Variants in CADM2 observed in about 807,000 individuals in gnomAD.
CADM2 encodes the protein cell adhesion molecule 2, also known as immunoglobulin superfamily member 4D.
A neutral mutation model predicts 49.8 loss-of-function variants in CADM2; 12 were observed. That is an observed-to-expected ratio of 0.24 (90% CI 0.15 to 0.39). CADM2 has a LOEUF of 0.39. Among genes scored for constraint, CADM2 ranks in the 10% least tolerant of loss-of-function variants. The pLI is 1.00. For synonymous variants in CADM2, 214 were observed against 175.4 expected (o/e 1.22, Z -1.74); for missense variants, 378 against 492.3 (o/e 0.77, Z 2.20).
chr3:85,522,304 CTTA>C (rs1454178952), intron 1 of CADM2, among the ~76,000 whole-genome samples: 4 of 151,978 alleles, frequency 2.6e-5, no homozygotes, highest in Admixed American at 2.0e-4. Flanking sequence ...TATTTCAAAA[CTTA>C]TTTTTTCCTT....
At chr3:85,334,663 A>G (rs2045028157) in intron 1 of CADM2, among the ~76,000 whole-genome samples, 1 of 151,624 alleles carries the variant, frequency 6.6e-6, no homozygotes, top group South Asian at 2.1e-4. Flanking sequence ...GAAGATTACA[A>G]AAACCTTTTC....
chr3:85,806,190 GGAAGGAAGGAAGGAAA>G (rs944828716), intron 3 of CADM2, among the ~76,000 whole-genome samples: 1 of 149,216 alleles, frequency 6.7e-6, no homozygotes, highest in African/African-American at 2.5e-5. Flanking sequence ...GAGGGAGGGA[GGAAGGAAGGAAGGAAA>G]GAAGGAAGGA....
chr3:85,404,432 GA>G (rs963162869), intron 1 of CADM2, among the ~76,000 whole-genome samples: 3 of 151,488 alleles, frequency 2.0e-5, no homozygotes, highest in Admixed American at 1.3e-4. Context: ...TGAGACTCCA[GA>G]AAAAAAAGTC....
chr3:85,781,005 C>T (rs748522640), intron 2 of CADM2, among the ~76,000 whole-genome samples: 8 of 152,226 alleles, frequency 5.3e-5, no homozygotes, highest in Non-Finnish European at 7.4e-5. Flanking sequence ...CCCCAGCTGA[C>T]GGCCAGCCTA....
intron 1 of CADM2, among the ~76,000 whole-genome samples, chr3:85,148,930 G>A (rs576083895): frequency 6.6e-6 from 1 of 152,226 alleles, no homozygotes; most frequent in East Asian, 1.9e-4. Context: ...AGAGGCAGAA[G>A]AAAGTCTGCA....
intron 1 of CADM2, among the ~76,000 whole-genome samples, chr3:85,235,449 G>T (rs1481156293): frequency 6.6e-6 from 1 of 152,004 alleles, no homozygotes; most frequent in Non-Finnish European, 1.5e-5. Context: ...TCTTAGAATT[G>T]ATTATAAATG....
intron 1 of CADM2, among the ~76,000 whole-genome samples, chr3:85,618,467 ATATT>A (rs1449755565): frequency 4.6e-5 from 7 of 152,120 alleles, no homozygotes; most frequent in African/African-American, 1.7e-4. Flanking sequence ...AACAAGGTAA[ATATT>A]TAGTATTTTT....
chr3:85,289,750 A>G (rs1220705861), intron 1 of CADM2, among the ~76,000 whole-genome samples: 3 of 152,238 alleles, frequency 2.0e-5, no homozygotes, highest in Admixed American at 1.3e-4. Flanking sequence ...AGTGTTTAGT[A>G]TATAATAACA....
chr3:85,863,652 G>A (rs552036006), intron 3 of CADM2, among the ~76,000 whole-genome samples: 19 of 152,236 alleles, frequency 1.2e-4, no homozygotes, highest in African/African-American at 4.6e-4. Context: ...AGTACCATGA[G>A]CCAAATACAT....
At chr3:85,735,793 C>A (rs900760085) in intron 2 of CADM2, among the ~76,000 whole-genome samples, 26 of 151,902 alleles carry the variant, frequency 1.7e-4, no homozygotes, top group African/African-American at 6.3e-4. Flanking sequence ...GACAAAGTTA[C>A]ATTTACAAGA....
intron 1 of CADM2, among the ~76,000 whole-genome samples, chr3:85,714,419 G>GT (rs1234163639): frequency 6.6e-6 from 1 of 151,838 alleles, no homozygotes; most frequent in Admixed American, 6.6e-5. Context: ...TTTGTTTTCT[G>GT]TTTTTTGTTT....
rs1178040027 is a variant in CADM2 at position 85,883,401 on chromosome 3, A to G, written c.349A>G (p.Thr117Ala). The change falls in exon 4 of 10, where the codon ACA becomes GCA. Residue 117 changes from threonine to alanine, a missense_variant. Thr to Ala is a moderately conservative substitution (Grantham distance 58). Transcript: ENST00000383699. ...AGGACAGTACACCTGTTCTTTATTT[A>G]CAATGCCTGTCAAAACTTCCAAGGC... ...DEGQYTCSLF[T>A]MPVKTSKAYL... is the part of the protein sequence containing the mutation. 2 of 1,613,802 alleles carry G rather than the reference A, an allele frequency of 1.2e-6. No homozygotes were observed. The highest frequency in any genetic ancestry group is 1.7e-6 in the Non-Finnish European group (2 of 1,179,780).
intron 7 of CADM2, among the ~76,000 whole-genome samples, chr3:85,959,877 T>G (rs1724602548): frequency 6.6e-6 from 1 of 151,936 alleles, no homozygotes; most frequent in African/African-American, 2.4e-5. Flanking sequence ...GTTTGTATAA[T>G]GACAAAATCA....
At chr3:85,334,380 GT>G (rs1386357588) in intron 1 of CADM2, among the ~76,000 whole-genome samples, 1 of 151,570 alleles carries the variant, frequency 6.6e-6, no homozygotes, top group East Asian at 1.9e-4. Context: ...GTTGACTTCA[GT>G]GTCAGATATT....
In CADM2 at chr3:85,036,997, GAAAA is replaced by G. The variant is rs10566030; in HGVS notation, c.61+77348_61+77351del. On this transcript the variant is annotated intron_variant, in intron 1 of 9. Coordinates refer to ENST00000383699, the MANE Select transcript of CADM2 (RefSeq NM_001167675.2). ...TGAAACCCCGTCTCTACTAAAAATA[GAAAA>G]AAAAAAAAAAAAAAAAAACTTAGCT... Among the ~76,000 whole-genome samples the G allele has an allele frequency of 7.3e-3, 568 of 77,994 alleles. 3 individuals are homozygous for G. The highest frequency in any genetic ancestry group is 0.028 in the African/African-American group (549 of 19,370). 51.2% of individuals were successfully genotyped at this position (77,994 alleles called of 152,430 possible).
At chr3:85,657,163 C>A (rs1259316429) in intron 1 of CADM2, among the ~76,000 whole-genome samples, 1 of 152,072 alleles carries the variant, frequency 6.6e-6, no homozygotes, top group Non-Finnish European at 1.5e-5. Flanking sequence ...TCTTTTGCAG[C>A]AAATGTTGGT....
chr3:85,307,942 GAA>G lies in CADM2; in HGVS notation c.61+348286_61+348287del, dbSNP rs59683458. Among the ~76,000 whole-genome samples the G allele has an allele frequency of 7.6e-3, 964 of 127,282 alleles. 8 individuals are homozygous for G. Among genetic ancestry groups the G allele is most frequent in the African/African-American group, 0.024 (890 of 37,616 alleles). 83.5% of individuals were successfully genotyped at this position (127,282 alleles called of 152,430 possible). ...CAAAACTGTACCCCCAGAAAAATTA[GAA>G]AAAAAAAAAAACACAATAATTTTTA... On this transcript the variant is annotated intron_variant, in intron 1 of 9. Transcript: ENST00000383699.
At chr3:85,421,533 A>G (rs1029736214) in intron 1 of CADM2, among the ~76,000 whole-genome samples, 1 of 152,194 alleles carries the variant, frequency 6.6e-6, no homozygotes, top group Non-Finnish European at 1.5e-5. Context: ...ATTACTAAAA[A>G]TTATTCTTTT....
chr3:86,015,124 A>AAACCTCT, intron 8 of CADM2: 1 of 532,020 alleles, frequency 1.9e-6, no homozygotes. Flanking sequence ...AATACCTAGG[A>AAACCTCT]GAGTTTTAAA....
Sources: gnomAD v4.1 joint callset for allele counts (sites outside exome capture counted in the v4.1 genomes callset) on GRCh38, gnomAD v4.1.1 for gene constraint, MANE v1.5 for transcripts, NCBI Gene and HGNC (gene_info 2026-07-23, HGNC 2026-07-21) for gene names.